The following GALNT11 variants were observed in gnomAD, a reference collection of about 807,000 sequenced individuals.
GALNT11 encodes polypeptide N-acetylgalactosaminyltransferase 11.
In GALNT11, 47 loss-of-function variants were observed where a neutral mutation model predicts 72.7. The observed-to-expected ratio is 0.65, with a 90% CI of 0.51 to 0.82. The LOEUF (loss-of-function observed/expected upper bound fraction) is 0.82. Ranked by LOEUF, GALNT11 falls within the 40% of genes least tolerant of loss-of-function variation. The probability of loss-of-function intolerance (pLI) is 0.00; values close to 1 mark genes in which losing one functional copy is unlikely to be tolerated. For missense variants in GALNT11, 677 were observed against 778.4 expected (o/e 0.87, Z 1.55); for synonymous variants, 270 against 286.6 (o/e 0.94, Z 0.58).
chr7:152,053,672 C>T (rs921875758), intron 1 of GALNT11, among the ~76,000 whole-genome samples: 3 of 152,108 alleles, frequency 2.0e-5, no homozygotes, highest in Non-Finnish European at 2.9e-5. Context: ...TTTCCGAGGC[C>T]CTCATGATGT....
intron 1 of GALNT11, among the ~76,000 whole-genome samples, chr7:152,062,765 G>A (rs897273801): frequency 2.0e-5 from 3 of 152,082 alleles, no homozygotes; most frequent in Admixed American, 1.3e-4. Context: ...GGTAGATTAC[G>A]TTTATTGATT....
intron 7 of GALNT11, among the ~76,000 whole-genome samples, chr7:152,112,547 A>G (rs2088357234): frequency 6.6e-6 from 1 of 152,138 alleles, no homozygotes. Flanking sequence ...CAACAAAAAA[A>G]AAAAAAGAAA....
chr7:152,062,796 T>C (rs2084093785), intron 1 of GALNT11, among the ~76,000 whole-genome samples: 1 of 152,222 alleles, frequency 6.6e-6, no homozygotes, highest in African/African-American at 2.4e-5. Flanking sequence ...GAACCAGCCT[T>C]GCATCCCAGG....
Position 152,101,650 on chromosome 7 carries a change from G to GT in GALNT11, c.419+729_419+730insT, listed in dbSNP as rs1012728495. On this transcript the variant is annotated intron_variant, in intron 3 of 11. Coordinates refer to ENST00000430044, the MANE Select transcript of GALNT11 (RefSeq NM_022087.4). ...AGTTCATGGCTTTTTTTTGGGGGGGGGGGGATGGAGTCTTTCTCTGTTGCC... is the reference window on the plus strand; with the variant it reads ...AGTTCATGGCTTTTTTTTGGGGGGGGTGGGGATGGAGTCTTTCTCTGTTGCC... 1.8e-4 allele frequency among the ~76,000 whole-genome samples: 26 copies of GT among 145,474 alleles called. 1 individual carries two copies. Among genetic ancestry groups the GT allele is most frequent in the African/African-American group, 6.6e-4 (26 of 39,690 alleles).
Position 152,118,675 on chromosome 7 carries a change from C to T in GALNT11, c.1453-3C>T, listed in dbSNP as rs370491489. 1.9e-6 allele frequency: 3 copies of T among 1,607,900 alleles called. No homozygotes were observed. Among genetic ancestry groups the T allele is most frequent in the Non-Finnish European group, 2.5e-6 (3 of 1,177,570 alleles). ...ACATTCTGAGCTGTGCCTTCTCTTA[C>T]AGCTCTATCACCTCCAGACCAACAA... On this transcript the variant is annotated splice_region_variant and splice_polypyrimidine_tract_variant and intron_variant, in intron 9 of 11. Transcript: ENST00000430044.
chr7:152,042,690 T>C (rs939019711), intron 1 of GALNT11, among the ~76,000 whole-genome samples: 6 of 152,216 alleles, frequency 3.9e-5, no homozygotes, highest in South Asian at 2.1e-4. Flanking sequence ...ATATGTTGAC[T>C]TTGAGGGCTA....
Position 152,053,084 on chromosome 7 carries a change from T to G in GALNT11, c.-39+27200T>G, listed in dbSNP as rs576273854. Among the ~76,000 whole-genome samples, 244 of 152,372 alleles carry G rather than the reference T, an allele frequency of 1.6e-3. 2 individuals are homozygous for G. The highest frequency in any genetic ancestry group is 3.0e-3 in the Non-Finnish European group (205 of 68,036). On this transcript the variant is annotated intron_variant, in intron 1 of 11. Transcript: ENST00000430044. ...ATGCTATGAGAGCGTCTTTCTTGAA[T>G]TTTTCTAACTATATTTCTTGGTTCT...
chr7:152,040,600 G>A (rs573702553), intron 1 of GALNT11, among the ~76,000 whole-genome samples: 59 of 152,240 alleles, frequency 3.9e-4, no homozygotes, highest in African/African-American at 1.3e-3. Flanking sequence ...ATGTAAAAAG[G>A]GTGCATTCTA....
chr7:152,064,010 T>C (rs1249279669), intron 1 of GALNT11, among the ~76,000 whole-genome samples: 4 of 152,188 alleles, frequency 2.6e-5, no homozygotes, highest in Non-Finnish European at 5.9e-5. Flanking sequence ...TTCCTAGATA[T>C]CCTTGTGAAC....
intron 1 of GALNT11, among the ~76,000 whole-genome samples, chr7:152,052,869 A>G (rs2083466898): frequency 6.6e-6 from 1 of 152,182 alleles, no homozygotes; most frequent in Admixed American, 6.5e-5. Context: ...TGACATGTCT[A>G]AAACAACATT....
intron 1 of GALNT11, among the ~76,000 whole-genome samples, chr7:152,065,460 A>G (rs1002945708): frequency 2.6e-5 from 4 of 152,206 alleles, no homozygotes; most frequent in African/African-American, 9.7e-5. Flanking sequence ...GTCATTCTCC[A>G]TCCAGCTTTG....
intron 10 of GALNT11, chr7:152,119,008 A>C (rs1017566851): frequency 1.4e-5 from 5 of 365,712 alleles, no homozygotes; most frequent in Non-Finnish European, 2.4e-5. Flanking sequence ...AAAAACTGCA[A>C]CCTCCAGCAT....
intron 1 of GALNT11, among the ~76,000 whole-genome samples, chr7:152,089,085 C>T (rs574168342): frequency 6.6e-6 from 1 of 152,200 alleles, no homozygotes; most frequent in South Asian, 2.1e-4. Flanking sequence ...TCACTCAAAT[C>T]CATTTTCCTG....
chr7:152,055,005 A>T (rs1563049431), intron 1 of GALNT11, among the ~76,000 whole-genome samples: 2 of 152,280 alleles, frequency 1.3e-5, no homozygotes, highest in East Asian at 3.9e-4. Flanking sequence ...AGCAAATCTG[A>T]AATCTGTGGA....
chr7:152,101,468 A>T (rs184435317), intron 3 of GALNT11, among the ~76,000 whole-genome samples: 2 of 152,206 alleles, frequency 1.3e-5, no homozygotes, highest in Admixed American at 1.3e-4. Context: ...ACAAGTCCTT[A>T]CATGAGTAAG....
At chr7:152,057,004 A>ATTTTTTTTTTTTTTTTTTT (rs71198754) in intron 1 of GALNT11, among the ~76,000 whole-genome samples, 4 of 74,930 alleles carry the variant, frequency 5.3e-5, no homozygotes, top group African/African-American at 4.7e-5. Context: ...ATGCCCAGCT[A>ATTTTTTTTTTTTTTTTTTT]TTTTTTTTTT....
intron 1 of GALNT11, among the ~76,000 whole-genome samples, chr7:152,065,784 C>G (rs1224745467): frequency 6.6e-6 from 1 of 152,144 alleles, no homozygotes; most frequent in East Asian, 1.9e-4. Flanking sequence ...ATGTTGCTGC[C>G]TGATTTTTCC....
chr7:152,108,309 A>G, intron 6 of GALNT11, 22 bp downstream of exon 6: 1 of 1,589,872 alleles, frequency 6.3e-7, no homozygotes, highest in Middle Eastern at 1.7e-4. Context: ...CCTTTGTTTG[A>G]CAAATTCCTA....
chr7:152,101,075 T>C (rs952797461), intron 3 of GALNT11, among the ~76,000 whole-genome samples, 154 bp downstream of exon 3: 24 of 152,252 alleles, frequency 1.6e-4, no homozygotes, highest in Admixed American at 5.2e-4. Context: ...TTGTATTATA[T>C]GTGAAGCCAC....
Sources: allele counts gnomAD v4.1 joint callset (sites outside exome capture counted in the v4.1 genomes callset), GRCh38; gene constraint gnomAD v4.1.1; transcripts MANE v1.5; gene names NCBI Gene and HGNC (gene_info 2026-07-23, HGNC 2026-07-21).